Variants in ADIPOR2 observed in about 807,000 individuals in gnomAD.
The protein encoded by ADIPOR2 is adiponectin receptor protein 2.
In ADIPOR2, 18 loss-of-function variants were observed where a neutral mutation model predicts 40.9. The observed-to-expected ratio is 0.44, with a 90% confidence interval of 0.30 to 0.65. The LOEUF (loss-of-function observed/expected upper bound fraction) is 0.65. Among genes scored for constraint, ADIPOR2 ranks in the 30% least tolerant of loss-of-function variants. The probability of loss-of-function intolerance (pLI) is 0.09; values close to 1 mark genes in which losing one functional copy is unlikely to be tolerated. For synonymous variants in ADIPOR2, 165 were observed against 166.4 expected, an observed-to-expected ratio of 0.99 and a Z score of 0.06; for missense variants, 283 against 479.2, an observed-to-expected ratio of 0.59 and a Z score of 3.82.
chr12:1,692,860 A>G (rs1200847870), intron 1 of ADIPOR2, among the ~76,000 whole-genome samples: 1 of 152,134 alleles, frequency 6.6e-6, no homozygotes, highest in African/African-American at 2.4e-5. Context: ...TTTTGTAAAT[A>G]AAGATTTGAT....
intron 1 of ADIPOR2, among the ~76,000 whole-genome samples, chr12:1,715,183 C>T (rs940059174): frequency 9.2e-5 from 14 of 152,078 alleles, no homozygotes; most frequent in African/African-American, 3.4e-4. Context: ...GCAAGCTTTG[C>T]ATAGTTGTGG....
chr12:1,705,496 T>G (rs550565663), intron 1 of ADIPOR2, among the ~76,000 whole-genome samples: 1 of 152,314 alleles, frequency 6.6e-6, no homozygotes, highest in East Asian at 1.9e-4. Flanking sequence ...GAACTTTGTT[T>G]CATGCACACA....
chr12:1,727,396 G>A (rs570434980), intron 1 of ADIPOR2, among the ~76,000 whole-genome samples: 1 of 152,076 alleles, frequency 6.6e-6, no homozygotes, highest in Non-Finnish European at 1.5e-5. Flanking sequence ...AATGTAGTAG[G>A]GTGTATAGTA....
At chr12:1,782,980 T>TTTC (rs1160798389) in intron 6 of ADIPOR2, among the ~76,000 whole-genome samples, 11 of 32,704 alleles carry the variant, frequency 3.4e-4, no homozygotes, top group African/African-American at 2.0e-3. Context: ...TTCTTTCTTT[T>TTTC]TTTTTTTTTT....
intron 2 of ADIPOR2, among the ~76,000 whole-genome samples, chr12:1,762,003 C>T (rs1295091661): frequency 6.6e-6 from 1 of 152,214 alleles, no homozygotes; most frequent in Admixed American, 6.5e-5. Flanking sequence ...ATCTGGCCAA[C>T]TTCATTTCAG....
intron 1 of ADIPOR2, among the ~76,000 whole-genome samples, chr12:1,748,158 T>A (rs2094759953): frequency 1.3e-5 from 2 of 152,170 alleles, no homozygotes; most frequent in Admixed American, 1.3e-4. Flanking sequence ...AGCTTCATAA[T>A]TTTTATTTGG....
intron 2 of ADIPOR2, among the ~76,000 whole-genome samples, chr12:1,756,976 A>G (rs1262267768): frequency 6.6e-6 from 1 of 152,130 alleles, no homozygotes; most frequent in Non-Finnish European, 1.5e-5. Flanking sequence ...GAAATGTGAG[A>G]TTCAAGATTC....
At position 1,739,227 on chromosome 12, in the gene ADIPOR2, C is replaced by T. The variant is rs143071883; in HGVS notation, c.-86-15031C>T. Among the ~76,000 whole-genome samples, 127 of 152,250 alleles carry T rather than the reference C, an allele frequency of 8.3e-4. 1 individual carries two copies. Among genetic ancestry groups the T allele is most frequent in the African/African-American group, 2.8e-3 (118 of 41,544 alleles). On this transcript the variant is annotated intron_variant, in intron 1 of 7. Coordinates refer to ENST00000357103, the MANE Select transcript of ADIPOR2 (RefSeq NM_024551.3). ...ACTGCTCTCTGCCTTTATGTCTTTG[C>T]GTGTAGTCTAATGGGAGACACAAGT...
intron 1 of ADIPOR2, among the ~76,000 whole-genome samples, chr12:1,752,384 C>CCA (rs1400133623): frequency 6.6e-6 from 1 of 152,054 alleles, no homozygotes; most frequent in Non-Finnish European, 1.5e-5. Flanking sequence ...CAGGCATGAG[C>CCA]CACTGTGCCT....
intron 2 of ADIPOR2, among the ~76,000 whole-genome samples, chr12:1,758,652 T>C (rs1862201503): frequency 6.6e-6 from 1 of 152,186 alleles, no homozygotes; most frequent in South Asian, 2.1e-4. Flanking sequence ...AACTGCAGTT[T>C]TGAGACTGAA....
At chr12:1,744,150 A>G (rs12581815) in intron 1 of ADIPOR2, among the ~76,000 whole-genome samples, 19,098 of 149,686 alleles carry the variant, frequency 0.13, 1,581 homozygotes, top group East Asian at 0.28. Flanking sequence ...TGTGTCGCCC[A>G]GGCTGGAGTG....
intron 2 of ADIPOR2, among the ~76,000 whole-genome samples, chr12:1,758,430 A>G (rs1862194539): frequency 6.6e-6 from 1 of 152,216 alleles, no homozygotes; most frequent in African/African-American, 2.4e-5. Context: ...TTCCAAAATC[A>G]TCTTGTTTGC....
At chr12:1,729,617 G>GTTTTTTTTTTTTTTTTTT (rs56921758) in intron 1 of ADIPOR2, among the ~76,000 whole-genome samples, 3 of 88,990 alleles carry the variant, frequency 3.4e-5, no homozygotes, top group African/African-American at 4.9e-5. Context: ...TCAGCCAGTT[G>GTTTTTTTTTTTTTTTTTT]TTTTTTTTTT....
At chr12:1,735,806 C>G (rs1488870606) in intron 1 of ADIPOR2, among the ~76,000 whole-genome samples, 1 of 152,082 alleles carries the variant, frequency 6.6e-6, no homozygotes, top group East Asian at 1.9e-4. Context: ...TAGCATGAAG[C>G]ATTGTTGAAT....
At chr12:1,711,630 CTCTCTCTCTCTT>C (rs796950348) in intron 1 of ADIPOR2, among the ~76,000 whole-genome samples, 2 of 143,566 alleles carry the variant, frequency 1.4e-5, no homozygotes, top group African/African-American at 5.9e-5. Flanking sequence ...CTCTCTCTCT[CTCTCTCTCTCTT>C]TCTCTCTTTC....
chr12:1,746,569 G>T (rs182037816), intron 1 of ADIPOR2, among the ~76,000 whole-genome samples: 92 of 152,190 alleles, frequency 6.0e-4, no homozygotes, highest in Non-Finnish European at 9.3e-4. Context: ...ACACCAAGAA[G>T]ATATAACAAT....
At chr12:1,735,774 A>G (rs531066130) in intron 1 of ADIPOR2, among the ~76,000 whole-genome samples, 17 of 152,330 alleles carry the variant, frequency 1.1e-4, no homozygotes, top group African/African-American at 3.6e-4. Flanking sequence ...CGTCCCATCA[A>G]TACCTAATTT....
At chr12:1,726,354 C>T (rs1225551926) in intron 1 of ADIPOR2, among the ~76,000 whole-genome samples, 1 of 152,094 alleles carries the variant, frequency 6.6e-6, no homozygotes, top group Non-Finnish European at 1.5e-5. Flanking sequence ...CATGCCACCA[C>T]AGCCAGCTAA....
At chr12:1,706,113 CT>C (rs960839368) in intron 1 of ADIPOR2, among the ~76,000 whole-genome samples, 5 of 152,178 alleles carry the variant, frequency 3.3e-5, no homozygotes, top group African/African-American at 1.2e-4. Flanking sequence ...GAACTACTTA[CT>C]TTTGTGGGAG....
Sources: allele counts gnomAD v4.1 joint callset (sites outside exome capture counted in the v4.1 genomes callset), GRCh38; gene constraint gnomAD v4.1.1; transcripts MANE v1.5; gene names NCBI Gene and HGNC (gene_info 2026-07-23, HGNC 2026-07-21).